Variants in SLC35F4 observed in about 807,000 individuals in gnomAD.
SLC35F4 encodes the protein chromosome 14 open reading frame 36.
SLC35F4 carries 24 observed loss-of-function variants against 44.2 expected under a neutral mutation model. That is an observed-to-expected ratio of 0.54 (90% confidence interval 0.39 to 0.76). SLC35F4 has a LOEUF of 0.76. SLC35F4 is among the 30% of genes least tolerant of loss of function. The pLI, the probability that SLC35F4 is intolerant of heterozygous loss-of-function variation, is 0.00. For synonymous variants in SLC35F4, 238 were observed against 223.6 expected (o/e 1.06, Z -0.57); for missense variants, 562 against 586.1 (o/e 0.96, Z 0.42).
intron 1 of SLC35F4, among the ~76,000 whole-genome samples, chr14:57,947,679 T>G (rs912027730): frequency 1.3e-5 from 2 of 152,038 alleles, no homozygotes; most frequent in Admixed American, 6.6e-5. Context: ...AGATGGCTTT[T>G]ATTACCTTGA....
At chr14:57,739,530 C>T (rs1446219609) in intron 1 of SLC35F4, among the ~76,000 whole-genome samples, 1 of 152,140 alleles carries the variant, frequency 6.6e-6, no homozygotes, top group Non-Finnish European at 1.5e-5. Flanking sequence ...GATTTTTCTT[C>T]CTCTTCCTCT....
At position 57,950,718 on chromosome 14, in the gene SLC35F4, G is replaced by C. The variant is rs141462312; in HGVS notation, n.282+31195C>G. Among the ~76,000 whole-genome samples, 490 of 136,988 alleles carry C rather than the reference G, an allele frequency of 3.6e-3. 3 individuals are homozygous for C. The highest frequency in any genetic ancestry group is 0.013 in the African/African-American group (462 of 34,366). 89.9% of individuals were successfully genotyped at this position (136,988 alleles called of 152,430 possible). On this transcript the variant is annotated intron_variant and non_coding_transcript_variant, in intron 1 of 1. Transcript: ENST00000556568. ...AGAGTCTTACTGTGTTGCCCAGCTG[G>C]AGTGCAGTGGCACAATCTCAGCTCA...
At chr14:57,940,435 C>T (rs1889896879) in intron 1 of SLC35F4, among the ~76,000 whole-genome samples, 1 of 152,110 alleles carries the variant, frequency 6.6e-6, no homozygotes, top group Non-Finnish European at 1.5e-5. Context: ...TTCATCACCT[C>T]ACAGTCTAGA....
intron 1 of SLC35F4, among the ~76,000 whole-genome samples, chr14:57,704,616 A>G (rs950154069): frequency 5.3e-5 from 8 of 152,108 alleles, no homozygotes; most frequent in Admixed American, 1.3e-4. Flanking sequence ...GCGGGAGACA[A>G]GGAAGAGTGG....
At chr14:57,885,197 G>T (rs1197889409) in intron 1 of SLC35F4, among the ~76,000 whole-genome samples, 1 of 152,104 alleles carries the variant, frequency 6.6e-6, no homozygotes, top group South Asian at 2.1e-4. Context: ...TCTGGACCTA[G>T]TCTGCCCAGC....
chr14:57,566,650 T>C, intron 6 of SLC35F4, 86 bp from the exon 7 acceptor site: 1 of 1,303,584 alleles, frequency 7.7e-7, no homozygotes. Context: ...TCAATGTCTT[T>C]GCTACATGTG....
chr14:57,604,701 A>G (rs1009091432), intron 1 of SLC35F4, among the ~76,000 whole-genome samples: 1 of 152,372 alleles, frequency 6.6e-6, no homozygotes, highest in South Asian at 2.1e-4. Context: ...CCTGACTCCA[A>G]ACTAATGCTA....
chr14:57,811,546 G>C (rs998494992), intron 1 of SLC35F4, among the ~76,000 whole-genome samples: 1 of 152,294 alleles, frequency 6.6e-6, no homozygotes, highest in East Asian at 1.9e-4. Flanking sequence ...AGTGCTTTTA[G>C]CTTTTAAAGC....
At chr14:57,968,617 A>G (rs1880960793) in intron 1 of SLC35F4, among the ~76,000 whole-genome samples, 1 of 152,202 alleles carries the variant, frequency 6.6e-6, no homozygotes, top group South Asian at 2.1e-4. Context: ...GCTGGAACGA[A>G]TTAGAAATGC....
At chr14:57,981,789 C>T (rs1457065309) in intron 1 of SLC35F4, 1 of 152,114 alleles carries the variant, frequency 6.6e-6, no homozygotes, top group African/African-American at 2.4e-5. Flanking sequence ...AAATAATAAA[C>T]TTGTTACCAA....
chr14:57,873,625 ATAGT>A (rs1161130889), intron 1 of SLC35F4, among the ~76,000 whole-genome samples: 2 of 152,208 alleles, frequency 1.3e-5, no homozygotes, highest in African/African-American at 2.4e-5. Flanking sequence ...CAGGGGGAAA[ATAGT>A]TAAGATACTC....
At chr14:57,579,764 T>C (rs747836371) in intron 4 of SLC35F4, among the ~76,000 whole-genome samples, 2 of 152,222 alleles carry the variant, frequency 1.3e-5, no homozygotes, top group African/African-American at 2.4e-5. Context: ...GACAGCTGAC[T>C]TCCTAGGGGA....
chr14:57,749,265 C>T (rs1003843451), intron 1 of SLC35F4, among the ~76,000 whole-genome samples: 13 of 152,156 alleles, frequency 8.5e-5, no homozygotes, highest in Middle Eastern at 6.8e-3. Flanking sequence ...GATAGGATCA[C>T]GATAGGACAG....
intron 1 of SLC35F4, among the ~76,000 whole-genome samples, chr14:57,612,408 C>A (rs1378454703): frequency 1.3e-5 from 2 of 152,144 alleles, no homozygotes; most frequent in Non-Finnish European, 2.9e-5. Flanking sequence ...GCAGTTGGGC[C>A]AACATTCTAT....
chr14:57,683,361 T>C (rs2074965802), intron 1 of SLC35F4, among the ~76,000 whole-genome samples: 1 of 152,162 alleles, frequency 6.6e-6, no homozygotes, highest in Admixed American at 6.5e-5. Flanking sequence ...AAAAATGCAA[T>C]GAAAGCAAGA....
chr14:57,904,178 T>C (rs1889065730), intron 1 of SLC35F4, among the ~76,000 whole-genome samples: 1 of 152,224 alleles, frequency 6.6e-6, no homozygotes, highest in African/African-American at 2.4e-5. Flanking sequence ...AGCTCTGAAT[T>C]ATTCATTTCA....
chr14:57,840,290 A>T (rs1036462954), intron 1 of SLC35F4, among the ~76,000 whole-genome samples: 1 of 152,230 alleles, frequency 6.6e-6, no homozygotes, highest in Non-Finnish European at 1.5e-5. Context: ...GTGCCACCTA[A>T]TGCCAGGCAT....
Position 57,662,811 on chromosome 14 carries a change from TA to T in SLC35F4, c.104-68688del, listed in dbSNP as rs1566738264. Among the ~76,000 whole-genome samples the T allele has an allele frequency of 7.9e-5, 12 of 152,314 alleles. No homozygotes were observed. The Middle Eastern group carries it at 0.01, about 130-fold the overall frequency. ...TCATTCTCCATCCTTTTCCACCTGTTATTCCACTAAAGGCTGATCTCTGAAC... is the reference window on the plus strand; with the variant it reads ...TCATTCTCCATCCTTTTCCACCTGTTTTCCACTAAAGGCTGATCTCTGAAC... On this transcript the variant is annotated intron_variant, in intron 1 of 7. Transcript: ENST00000556826.
chr14:57,796,013 G>A (rs2140831314), intron 1 of SLC35F4, among the ~76,000 whole-genome samples: 1 of 152,236 alleles, frequency 6.6e-6, no homozygotes, highest in South Asian at 2.1e-4. Flanking sequence ...TGTACTCAAT[G>A]TTTAGCTCCC....
Sources: allele counts gnomAD v4.1 joint callset (sites outside exome capture counted in the v4.1 genomes callset), GRCh38; gene constraint gnomAD v4.1.1; transcripts MANE v1.5; gene names NCBI Gene and HGNC (gene_info 2026-07-23, HGNC 2026-07-21).